The following ECT2L variants were observed in gnomAD, a reference collection of about 807,000 sequenced individuals.
ECT2L encodes the protein epithelial cell transforming 2 like.
Under a neutral mutation model 122.8 loss-of-function variants are expected in ECT2L, and 126 were observed. The observed-to-expected ratio is 1.03, with a 90% CI of 0.89 to 1.19. ECT2L has a LOEUF of 1.19. Among genes scored for constraint, ECT2L ranks in the 50% most tolerant of loss-of-function variants. ECT2L has a pLI of 0.00. For missense variants in ECT2L, 1,012 were observed against 1,064.1 expected, an observed-to-expected ratio of 0.95 and a Z score of 0.68; for synonymous variants, 385 against 381.8, an observed-to-expected ratio of 1.01 and a Z score of -0.10.
intron 4 of ECT2L, chr6:138,822,991 A>G: frequency 6.2e-7 from 1 of 1,608,516 alleles, no homozygotes; most frequent in Non-Finnish European, 8.5e-7. Context: ...TACATCCTGA[A>G]TTTGGCTGTA....
At chr6:138,819,204 G>T (rs938113802) in intron 4 of ECT2L, among the ~76,000 whole-genome samples, 1 of 149,864 alleles carries the variant, frequency 6.7e-6, no homozygotes, top group African/African-American at 2.5e-5. Context: ...ATTTGCAATT[G>T]GGATGGTTTT....
chr6:138,855,939 A>C (rs1234443671), intron 10 of ECT2L, among the ~76,000 whole-genome samples: 1 of 152,238 alleles, frequency 6.6e-6, no homozygotes, highest in Non-Finnish European at 1.5e-5. Flanking sequence ...ATTTGGTGAC[A>C]TAAAAATTGT....
In ECT2L at chr6:138,849,676, T is replaced by C. The variant is rs115158751; in HGVS notation, c.1069+242T>C. ...CTGGACTTCCCAGGCTCAAGTGATC[T>C]ACCCACCTCAGCCTCCTGAGCAGCT... is the stretch of plus-strand genomic sequence containing the variant. On this transcript the variant is annotated intron_variant, in intron 9 of 21. Transcript: ENST00000541398. 3.5e-3 allele frequency among the ~76,000 whole-genome samples: 534 copies of C among 151,282 alleles called. 5 individuals are homozygous for C. The highest frequency in any genetic ancestry group is 0.012 in the African/African-American group (503 of 41,288).
intron 15 of ECT2L, 69 bp from the exon 16 acceptor site, chr6:138,882,655 C>T (rs1173036623): frequency 9.6e-6 from 15 of 1,568,354 alleles, no homozygotes; most frequent in Middle Eastern, 3.4e-4. Flanking sequence ...ATGCTGATGA[C>T]AATGGATATT....
In ECT2L at chr6:138,888,317, C is replaced by CTTTCTT. The variant is rs1253741376; in HGVS notation, c.2326-623_2326-622insCTTTTT. 1.0e-3 allele frequency among the ~76,000 whole-genome samples: 130 copies of CTTTCTT among 128,640 alleles called. 2 individuals are homozygous for CTTTCTT. Among genetic ancestry groups the CTTTCTT allele is most frequent in the Middle Eastern group, 8.1e-3 (2 of 246 alleles). The allele number at this position is 128,640 out of a possible 152,430, so 84.4% of individuals were successfully genotyped here. A position where few individuals can be genotyped will look rare whatever the true frequency, so the allele number is the denominator to read the frequency against. On this transcript the variant is annotated intron_variant, in intron 19 of 21. Coordinates refer to ENST00000541398, the MANE Select transcript of ECT2L (RefSeq NM_001077706.3). The stretch of plus-strand genomic sequence containing the variant: ...CAATTCATTCACTTCTTTTTCTTTT[C>CTTTCTT]TTTTTTTTTTTTTTTTTGAGATGGA...
intron 10 of ECT2L, among the ~76,000 whole-genome samples, chr6:138,857,741 T>G (rs1777665436): frequency 6.6e-6 from 1 of 152,194 alleles, no homozygotes; most frequent in African/African-American, 2.4e-5. Flanking sequence ...AAATATTCCC[T>G]AGGGCTTGAT....
intron 4 of ECT2L, among the ~76,000 whole-genome samples, chr6:138,816,398 T>G (rs1023546778): frequency 6.6e-6 from 1 of 151,352 alleles, no homozygotes; most frequent in Non-Finnish European, 1.5e-5. Context: ...TTTTTTTTTG[T>G]TTGTTTGTTT....
At chr6:138,872,466 A>G (rs10872499) in intron 13 of ECT2L, among the ~76,000 whole-genome samples, 47,963 of 152,102 alleles carry the variant, frequency 0.32, 7,928 homozygotes, top group Admixed American at 0.4. Flanking sequence ...TGGGAACCCC[A>G]GGGTGGGAAC....
intron 19 of ECT2L, among the ~76,000 whole-genome samples, chr6:138,888,464 C>T (rs1778905342): frequency 1.5e-5 from 2 of 131,868 alleles, no homozygotes; most frequent in Non-Finnish European, 3.4e-5. Flanking sequence ...GCATGCACCA[C>T]CACACCTGGC....
intron 1 of ECT2L, among the ~76,000 whole-genome samples, chr6:138,801,337 T>C (rs905074038): frequency 3.3e-5 from 5 of 152,172 alleles, no homozygotes; most frequent in African/African-American, 1.2e-4. Flanking sequence ...TAGATGTGGG[T>C]AGACACCTAT....
rs1432013627 is a variant in ECT2L, at chr6:138,812,862, G to A, written c.-219G>A. On this transcript the variant is annotated 5_prime_UTR_variant, in exon 2 of 22. Transcript: ENST00000541398. Reference sequence around the variant, plus strand: ...GGTAAAGAAAAAGTCAACCTCCTTGGCTGATGAATCACGGCAGTTTCTAAG... The same window carrying A: ...GGTAAAGAAAAAGTCAACCTCCTTGACTGATGAATCACGGCAGTTTCTAAG... The A allele has an allele frequency of 6.3e-6, 1 of 157,648 alleles. No homozygotes were observed. Among genetic ancestry groups the A allele is most frequent in the African/African-American group, 2.4e-5 (1 of 41,608 alleles). The allele number at this position is 157,648 out of a possible 1,614,324, so 9.8% of individuals were successfully genotyped here. A position where few individuals can be genotyped will look rare whatever the true frequency, so the allele number is the denominator to read the frequency against.
chr6:138,831,983 C>T (rs1411912700), intron 4 of ECT2L, among the ~76,000 whole-genome samples: 2 of 152,072 alleles, frequency 1.3e-5, no homozygotes, highest in Non-Finnish European at 2.9e-5. Flanking sequence ...CTGCATGAAA[C>T]TCTCCTATGG....
chr6:138,885,692 G>C lies in ECT2L; in HGVS notation c.2121G>C (p.Leu707=). ...CATACAGCCTGCCAGAGCTGCTGCT[G>C]TACCCATCCCGAAGATTTGAAGAAT... ...TKMLSLPELL[L]YPSRRFEEYL... The change falls in exon 18 of 22, where the codon CTG becomes CTC. Residue 707 remains leucine, a synonymous_variant. Transcript: ENST00000541398. 2.5e-6 allele frequency: 4 copies of C among 1,614,134 alleles called. No homozygotes were observed. Among genetic ancestry groups the C allele is most frequent in the Non-Finnish European group, 2.5e-6 (3 of 1,180,018 alleles).
chr6:138,806,530 T>TTTTTTTTA (rs1775717540), intron 1 of ECT2L, among the ~76,000 whole-genome samples: 3 of 147,616 alleles, frequency 2.0e-5, no homozygotes, highest in East Asian at 2.0e-4. Context: ...TTTTTTTTTT[T>TTTTTTTTA]GAGATGGAGT....
At chr6:138,811,783 A>G (rs1428472143) in intron 1 of ECT2L, among the ~76,000 whole-genome samples, 1 of 152,126 alleles carries the variant, frequency 6.6e-6, no homozygotes, top group East Asian at 1.9e-4. Flanking sequence ...GGTTCAAGCG[A>G]TTCTCCTGCC....
At position 138,903,899 on chromosome 6, in the gene ECT2L, C is replaced by T. The variant is rs571924719; in HGVS notation, c.*1272C>T. ...TCTTGTTTACAGTAACAAAGTCTATCGGTGCAGTTTAGGACTGTGAATCTA... is the reference window on the plus strand; with the variant it reads ...TCTTGTTTACAGTAACAAAGTCTATTGGTGCAGTTTAGGACTGTGAATCTA... On this transcript the variant is annotated 3_prime_UTR_variant, in exon 22 of 22. Coordinates refer to ENST00000541398, the MANE Select transcript of ECT2L (RefSeq NM_001077706.3). 97 of 152,226 alleles carry T rather than the reference C, an allele frequency of 6.4e-4. 2 individuals are homozygous for T. The highest frequency in any genetic ancestry group is 5.8e-3 in the Admixed American group (89 of 15,288). The allele number at this position is 152,226 out of a possible 1,614,324, so 9.4% of individuals were successfully genotyped here.
At chr6:138,837,299 CT>C (rs1170333747) in intron 4 of ECT2L, among the ~76,000 whole-genome samples, 1 of 152,170 alleles carries the variant, frequency 6.6e-6, no homozygotes, top group African/African-American at 2.4e-5. Flanking sequence ...TCCCAACCCC[CT>C]GTAAACAACC....
intron 8 of ECT2L, among the ~76,000 whole-genome samples, chr6:138,847,842 G>C (rs2128392276): frequency 6.6e-6 from 1 of 152,268 alleles, no homozygotes; most frequent in Non-Finnish European, 1.5e-5. Flanking sequence ...TTGTGAGCGT[G>C]TGTATTAGTC....
intron 1 of ECT2L, among the ~76,000 whole-genome samples, 156 bp from the exon 2 acceptor site, chr6:138,812,682 G>T (rs1775941131): frequency 6.6e-6 from 1 of 152,126 alleles, no homozygotes. Context: ...GTGCGCACCT[G>T]TAATCCCAGC....
Sources: gnomAD v4.1 joint callset for allele counts (sites outside exome capture counted in the v4.1 genomes callset) on GRCh38, gnomAD v4.1.1 for gene constraint, MANE v1.5 for transcripts, NCBI Gene and HGNC (gene_info 2026-07-23, HGNC 2026-07-21) for gene names.